RBM6: variants seen among roughly 807,000 people sequenced by gnomAD.
RBM6 encodes RNA-binding protein 6.
Under a neutral mutation model 140.4 loss-of-function variants are expected in RBM6, and 23 were observed. The ratio of observed to expected loss-of-function variants is 0.16; its 90% CI spans 0.12 to 0.23. The LOEUF (loss-of-function observed/expected upper bound fraction) is 0.23. Among genes scored for constraint, RBM6 ranks in the 10% least tolerant of loss-of-function variants. The probability of loss-of-function intolerance (pLI) is 1.00; values close to 1 mark genes in which losing one functional copy is unlikely to be tolerated. For synonymous variants in RBM6, 439 were observed against 475.6 expected, an observed-to-expected ratio of 0.92 and a Z score of 1.00; for missense variants, 1,139 against 1,386.7, an observed-to-expected ratio of 0.82 and a Z score of 2.84.
intron 1 of RBM6, among the ~76,000 whole-genome samples, chr3:49,941,621 C>T (rs1575494940): frequency 2.0e-5 from 2 of 102,464 alleles, no homozygotes; most frequent in Admixed American, 1.5e-4. Context: ...GCCTGGGCCA[C>T]AAGAGTGAAA....
intron 5 of RBM6, among the ~76,000 whole-genome samples, chr3:49,989,114 A>G (rs990946574): frequency 2.0e-5 from 3 of 152,124 alleles, no homozygotes; most frequent in African/African-American, 7.2e-5. Context: ...CAAAATCTTC[A>G]TTAGATTTTC....
At chr3:50,012,445 C>T (rs1413341422) in intron 6 of RBM6, among the ~76,000 whole-genome samples, 1 of 151,912 alleles carries the variant, frequency 6.6e-6, no homozygotes, top group Non-Finnish European at 1.5e-5. Context: ...GCAACCTCCA[C>T]CTCCCGGGTT....
intron 1 of RBM6, among the ~76,000 whole-genome samples, chr3:49,956,962 G>A (rs1022013411): frequency 6.6e-6 from 1 of 152,118 alleles, no homozygotes; most frequent in African/African-American, 2.4e-5. Flanking sequence ...ACCAGGCCTG[G>A]CCTGCTTTTT....
intron 6 of RBM6, among the ~76,000 whole-genome samples, chr3:50,046,206 G>C (rs2089212292): frequency 1.3e-5 from 2 of 151,420 alleles, no homozygotes; most frequent in African/African-American, 4.9e-5. Flanking sequence ...GCTTGAACCT[G>C]GGAGGCGGAG....
chr3:49,968,093 T>G lies in RBM6; in HGVS notation c.668T>G (p.Leu223Trp). ...SDFRNRDVSD[L>W]DFRDKDGTQV... ...TTTAGGAATAGAGATGTATCTGATT[T>G]GGACTTTAGAGACAAAGACGGAACA... The change falls in exon 3 of 21, where the codon TTG (leucine) becomes TGG (tryptophan). Residue 223 changes from leucine (L) to tryptophan (W), a missense_variant. By Grantham distance (61) the Leu-to-Trp change is moderately conservative (BLOSUM62 -2). Around this residue, in one of 9 missense-constraint regions of RBM6, gnomAD observed 566 missense variants for 612.7 expected, o/e 0.92. Coordinates refer to ENST00000266022, the MANE Select transcript of RBM6 (RefSeq NM_005777.3). 6.2e-7 allele frequency: 1 copy of G among 1,614,180 alleles called. No homozygotes were observed.
At chr3:50,042,509 G>T (rs1390611982) in intron 6 of RBM6, among the ~76,000 whole-genome samples, 1 of 152,096 alleles carries the variant, frequency 6.6e-6, no homozygotes, top group African/African-American at 2.4e-5. Context: ...GAGGCAGGAG[G>T]ATCACTTGGG....
At position 49,968,637 on chromosome 3, in the gene RBM6, G is replaced by C; in HGVS notation, c.1212G>C (p.Met404Ile). The C allele has an allele frequency of 6.2e-7, 1 of 1,614,198 alleles. No homozygotes were observed. The highest frequency in any genetic ancestry group is 8.5e-7 in the Non-Finnish European group (1 of 1,180,050). The stretch of plus-strand genomic sequence containing the variant: ...GGCAAGACACCGATTACAGAAGCAT[G>C]GAGTACCGTGATGTGGATCATAGGC... Reference protein sequence around the residue: ...LGRQDTDYRSMEYRDVDHRLP... With the variant: ...LGRQDTDYRSIEYRDVDHRLP... The change falls in exon 3 of 21, where the codon ATG becomes ATC. Residue 404 changes from methionine to isoleucine, a missense_variant. By Grantham distance (10) the Met-to-Ile change is conservative (BLOSUM62 1). This residue lies in a region of RBM6 where 566 missense variants were observed against 612.7 expected (regional missense o/e 0.92). Transcript: ENST00000266022.
intron 19 of RBM6, among the ~76,000 whole-genome samples, chr3:50,074,831 G>C (rs893751122): frequency 2.0e-5 from 3 of 152,000 alleles, no homozygotes; most frequent in Non-Finnish European, 2.9e-5. Context: ...TTTATATTAG[G>C]CTTATAAGCA....
At chr3:49,973,986 C>T (rs1353487226) in intron 4 of RBM6, among the ~76,000 whole-genome samples, 2 of 152,108 alleles carry the variant, frequency 1.3e-5, no homozygotes, top group African/African-American at 4.8e-5. Context: ...CAACCTCCGC[C>T]TCTCGGGTTC....
chr3:50,048,815 T>G (rs1401349403), intron 7 of RBM6, among the ~76,000 whole-genome samples: 1 of 152,154 alleles, frequency 6.6e-6, no homozygotes, highest in Non-Finnish European at 1.5e-5. Context: ...TATACTCTTT[T>G]TTTTTGAAAC....
chr3:50,047,267 G>C, intron 6 of RBM6: 1 of 985,272 alleles, frequency 1.0e-6, no homozygotes. Context: ...GAAACACAGA[G>C]GACCCTAGAG....
intron 7 of RBM6, 26 bp from the exon 8 acceptor site, chr3:50,054,309 C>T (rs1429822988): frequency 6.3e-7 from 1 of 1,580,424 alleles, no homozygotes; most frequent in East Asian, 2.2e-5. Context: ...TGTTTTCAGT[C>T]AAATTGATTT....
intron 6 of RBM6, among the ~76,000 whole-genome samples, chr3:50,043,287 A>C (rs1054002304): frequency 3.3e-5 from 5 of 152,070 alleles, no homozygotes; most frequent in Non-Finnish European, 7.4e-5. Context: ...GTTCAAGACC[A>C]GCCTGGCCAA....
intron 4 of RBM6, 97 bp downstream of exon 4, chr3:49,972,245 A>G: frequency 3.3e-6 from 3 of 917,636 alleles, no homozygotes; most frequent in South Asian, 3.3e-5. Flanking sequence ...GGTGCAAAGA[A>G]ATGCACAGAG....
At position 49,971,422 on chromosome 3, in the gene RBM6, G is replaced by A. The variant is rs553936963; in HGVS notation, c.1324-637G>A. ...ATTGTGCCACTGCACTCCAGCCTGG[G>A]CGACAGAGCGACACTCTGTCTCAAA... On this transcript the variant is annotated intron_variant, in intron 3 of 20. Transcript: ENST00000266022. Among the ~76,000 whole-genome samples, 83 of 150,024 alleles carry A rather than the reference G, an allele frequency of 5.5e-4. No individual in the cohort carries two copies. The East Asian group carries it at 6.7e-3, about 12-fold the overall frequency.
In RBM6 at chr3:49,962,564, T is replaced by C. The variant is rs529255270; in HGVS notation, c.-66-12T>C. ...TTCTAAAGTACTAATTTTTGTGGTT[T>C]ATTTTGTACAGGTACTGCTATAACC... On this transcript the variant is annotated splice_polypyrimidine_tract_variant and intron_variant, in intron 1 of 20. Coordinates refer to ENST00000266022, the MANE Select transcript of RBM6 (RefSeq NM_005777.3). 2 of 1,312,838 alleles carry C rather than the reference T, an allele frequency of 1.5e-6. No individual in the cohort carries two copies. The highest frequency in any genetic ancestry group is 2.6e-5 in the East Asian group (1 of 38,540). The allele number at this position is 1,312,838 out of a possible 1,614,324, so 81.3% of individuals were successfully genotyped here. A position where few individuals can be genotyped will look rare whatever the true frequency, so the allele number is the denominator to read the frequency against.
intron 20 of RBM6, 104 bp downstream of exon 20, chr3:50,075,434 C>T (rs913475013): frequency 3.1e-5 from 45 of 1,449,566 alleles, no homozygotes; most frequent in Non-Finnish European, 4.0e-5. Context: ...TGGGCTTTCT[C>T]TACTGCTGGG....
At chr3:49,961,910 C>T (rs972528126) in intron 1 of RBM6, among the ~76,000 whole-genome samples, 7 of 151,942 alleles carry the variant, frequency 4.6e-5, no homozygotes, top group African/African-American at 1.7e-4. Context: ...AATCCTAGCA[C>T]TTTGGGAGGC....
chr3:49,975,970 C>T (rs2085045903), intron 5 of RBM6, among the ~76,000 whole-genome samples: 1 of 152,162 alleles, frequency 6.6e-6, no homozygotes, highest in Non-Finnish European at 1.5e-5. Context: ...TTGTATTTCA[C>T]AGTACCAATT....
Sources: gnomAD v4.1 joint callset for allele counts (sites outside exome capture counted in the v4.1 genomes callset) on GRCh38, gnomAD v4.1.1 for gene constraint, gnomAD v4.1.1 regional missense constraint, MANE v1.5 for transcripts, NCBI Gene and HGNC (gene_info 2026-07-23, HGNC 2026-07-21) for gene names.